The following UEVLD variants were observed in gnomAD, a reference collection of about 807,000 sequenced individuals.
UEVLD encodes UEV and lactate/malate dehyrogenase domains.
In UEVLD, 47 loss-of-function variants were observed where a neutral mutation model predicts 58.6. That is an observed-to-expected ratio of 0.80 (90% CI 0.63 to 1.02). The LOEUF (loss-of-function observed/expected upper bound fraction) is 1.02, where lower values mean the gene tolerates loss of function less well. Among genes scored for constraint, UEVLD ranks in the 50% least tolerant of loss-of-function variants. The pLI, the probability that UEVLD is intolerant of heterozygous loss-of-function variation, is 0.00. For synonymous variants in UEVLD, 197 were observed against 195.3 expected (o/e 1.01, Z -0.07); for missense variants, 510 against 550.6 (o/e 0.93, Z 0.74).
intron 9 of UEVLD, among the ~76,000 whole-genome samples, chr11:18,537,357 G>A (rs189650133): frequency 1.4e-5 from 2 of 140,032 alleles, no homozygotes; most frequent in Non-Finnish European, 3.0e-5. Context: ...TTTTTGAGAC[G>A]GACTCTCGCT....
At chr11:18,564,632 T>G (rs1852206609) in intron 6 of UEVLD, among the ~76,000 whole-genome samples, 1 of 152,234 alleles carries the variant, frequency 6.6e-6, no homozygotes, top group Non-Finnish European at 1.5e-5. Flanking sequence ...AATTTGTGAT[T>G]AAGTCATATG....
intron 4 of UEVLD, among the ~76,000 whole-genome samples, chr11:18,568,168 T>A (rs1016009598): frequency 6.6e-6 from 1 of 152,148 alleles, no homozygotes; most frequent in African/African-American, 2.4e-5. Context: ...TAGTTTTAGC[T>A]TATAATAAAG....
chr11:18,578,966 T>C (rs1853087778), intron 1 of UEVLD, among the ~76,000 whole-genome samples, 158 bp from the exon 2 acceptor site: 4 of 152,242 alleles, frequency 2.6e-5, no homozygotes, highest in East Asian at 1.9e-4. Flanking sequence ...CTCCTGGGTT[T>C]AAGTGATTCT....
intron 8 of UEVLD, among the ~76,000 whole-genome samples, chr11:18,545,042 C>CTA (rs1308405302): frequency 1.0e-3 from 79 of 76,322 alleles, no homozygotes; most frequent in African/African-American, 3.4e-3. Context: ...GTGTGTATAT[C>CTA]TATCTATATC....
At chr11:18,579,152 C>A (rs1853101441) in intron 1 of UEVLD, among the ~76,000 whole-genome samples, 1 of 152,168 alleles carries the variant, frequency 6.6e-6, no homozygotes, top group African/African-American at 2.4e-5. Flanking sequence ...CAGGCGTGAG[C>A]CACCACGCCC....
In UEVLD at chr11:18,578,779, T is replaced by C. The variant is rs768839182; in HGVS notation, c.72A>G (p.Glu24=). The C allele has an allele frequency of 4.4e-6, 7 of 1,608,546 alleles. No individual in the cohort carries two copies. The highest frequency in any genetic ancestry group is 5.9e-6 in the Non-Finnish European group (7 of 1,177,404). The change falls in exon 2 of 12, where the codon GAA becomes GAG. Residue 24 remains glutamate (E), a synonymous_variant. Coordinates refer to ENST00000396197, the MANE Select transcript of UEVLD (RefSeq NM_001040697.4). The part of the protein sequence containing the change: ...KYKFRDLTVE[E]LRNVNVFFPH... Reference sequence around the variant, plus strand: ...GGAAAAATACATTTACATTCCTTAGTTCTTCCACAGTTAGGTCCCTGAACT... The same window carrying C: ...GGAAAAATACATTTACATTCCTTAGCTCTTCCACAGTTAGGTCCCTGAACT...
intron 1 of UEVLD, among the ~76,000 whole-genome samples, chr11:18,586,239 G>A (rs751453414): frequency 2.0e-5 from 3 of 151,280 alleles, no homozygotes; most frequent in African/African-American, 7.3e-5. Context: ...TTTTGAGATG[G>A]GGTCTCCCTC....
rs140752500 is a variant in UEVLD at position 18,571,617 on chromosome 11, G to A, written c.194-1240C>T. On this transcript the variant is annotated intron_variant, in intron 3 of 11. Transcript: ENST00000396197. Reference sequence around the variant, plus strand: ...TTAGTAATTCAGCACTGAAGAGTCCGAACTCCTGGCACAAAGTCCTCAGAT... The same window carrying A: ...TTAGTAATTCAGCACTGAAGAGTCCAAACTCCTGGCACAAAGTCCTCAGAT... Among the ~76,000 whole-genome samples the A allele has an allele frequency of 3.9e-3, 589 of 152,236 alleles. 8 individuals carry two copies. The highest frequency in any genetic ancestry group is 0.013 in the African/African-American group (552 of 41,532).
intron 4 of UEVLD, 164 bp downstream of exon 4, chr11:18,570,050 C>T (rs1005279333): frequency 2.8e-6 from 2 of 711,214 alleles, no homozygotes; most frequent in Non-Finnish European, 4.1e-6. Context: ...GGTTCTGGGA[C>T]TTGGGTAACC....
intron 7 of UEVLD, among the ~76,000 whole-genome samples, chr11:18,553,317 C>A (rs1277050843): frequency 2.9e-4 from 43 of 149,506 alleles, no homozygotes; most frequent in Non-Finnish European, 5.6e-4. Flanking sequence ...CAGAGCAAGA[C>A]TCTGTCTCAA....
At chr11:18,535,604 G>A (rs771558925) in intron 10 of UEVLD, among the ~76,000 whole-genome samples, 1 of 152,078 alleles carries the variant, frequency 6.6e-6, no homozygotes, top group South Asian at 2.1e-4. Flanking sequence ...GTTATATGAC[G>A]GTGAAACAAC....
Position 18,532,504 on chromosome 11 carries a change from A to G in UEVLD, c.1249-17T>C, listed in dbSNP as rs751090093. On this transcript the variant is annotated splice_polypyrimidine_tract_variant and intron_variant, in intron 11 of 11. Coordinates refer to ENST00000396197, the MANE Select transcript of UEVLD (RefSeq NM_001040697.4). Reference sequence around the variant, plus strand: ...ATAATATCCCTGAAATGAGAAAAATAGGGATTTAATAGAACTAAATCATTG... The same window carrying G: ...ATAATATCCCTGAAATGAGAAAAATGGGGATTTAATAGAACTAAATCATTG... The G allele has an allele frequency of 4.4e-6, 7 of 1,575,268 alleles. No homozygotes were observed. The South Asian group carries it at 8.1e-5, about 18-fold the overall frequency.
intron 8 of UEVLD, 119 bp from the exon 9 acceptor site, chr11:18,544,915 T>A (rs905572936): frequency 1.8e-6 from 1 of 559,590 alleles, no homozygotes; most frequent in Non-Finnish European, 2.9e-6. Flanking sequence ...TGAGGCATTA[T>A]ATGTATATAT....
intron 8 of UEVLD, 61 bp from the exon 9 acceptor site, chr11:18,544,857 C>T (rs1851222514): frequency 1.6e-6 from 2 of 1,269,290 alleles, no homozygotes; most frequent in African/African-American, 1.6e-5. Context: ...TCTAGCCTAG[C>T]TCACAAATAT....
At chr11:18,575,192 C>T (rs981943954) in intron 3 of UEVLD, among the ~76,000 whole-genome samples, 155 bp downstream of exon 3, 2 of 150,456 alleles carry the variant, frequency 1.3e-5, no homozygotes, top group African/African-American at 4.8e-5. Context: ...GACATTAATA[C>T]AGGCCTTCCT....
chr11:18,579,238 T>C (rs1159988731), intron 1 of UEVLD, among the ~76,000 whole-genome samples: 1 of 152,134 alleles, frequency 6.6e-6, no homozygotes, highest in Non-Finnish European at 1.5e-5. Flanking sequence ...TGGTATTTGA[T>C]TTAATCTTTT....
intron 10 of UEVLD, among the ~76,000 whole-genome samples, chr11:18,535,886 C>T (rs1194956233): frequency 3.3e-5 from 5 of 152,120 alleles, no homozygotes; most frequent in African/African-American, 4.8e-5. Context: ...CCTGTAATCC[C>T]GGCACTTTGG....
chr11:18,562,973 G>C (rs544429890), intron 6 of UEVLD, among the ~76,000 whole-genome samples: 1 of 152,108 alleles, frequency 6.6e-6, no homozygotes, highest in Non-Finnish European at 1.5e-5. Context: ...TTAAGCCCAG[G>C]AGATAGAGAC....
chr11:18,584,508 A>G (rs1170004440), intron 1 of UEVLD, among the ~76,000 whole-genome samples: 1 of 152,248 alleles, frequency 6.6e-6, no homozygotes, highest in Non-Finnish European at 1.5e-5. Flanking sequence ...CTACACATAC[A>G]TTGTCCAATA....
Sources: gnomAD v4.1 joint callset for allele counts (sites outside exome capture counted in the v4.1 genomes callset) on GRCh38, gnomAD v4.1.1 for gene constraint, MANE v1.5 for transcripts, NCBI Gene and HGNC (gene_info 2026-07-23, HGNC 2026-07-21) for gene names.